The following GPN3 variants were observed in gnomAD, a reference collection of about 807,000 sequenced individuals.
The protein encoded by GPN3 is GPN-loop GTPase 3.
Under a neutral mutation model 38.7 loss-of-function variants are expected in GPN3, and 31 were observed. The observed-to-expected ratio is 0.80, with a 90% CI of 0.60 to 1.08. GPN3 has a LOEUF of 1.08. Ranked by LOEUF, GPN3 falls within the 50% of genes least tolerant of loss-of-function variation. The pLI, the probability that GPN3 is intolerant of heterozygous loss-of-function variation, is 0.00. For missense variants in GPN3, 301 were observed against 354.4 expected (o/e 0.85, Z 1.21); for synonymous variants, 116 against 120.2 (o/e 0.96, Z 0.23).
chr12:110,468,487 CA>C, upstream of GPN3: 1 of 1,537,196 alleles, frequency 6.5e-7, no homozygotes, highest in Non-Finnish European at 8.7e-7. Flanking sequence ...TAATAACGGA[CA>C]ACAGATAAAG....
Position 110,457,640 on chromosome 12 carries a change from T to C in GPN3, c.326-6A>G, listed in dbSNP as rs747185271. The C allele has an allele frequency of 1.3e-6, 2 of 1,576,052 alleles. No homozygotes were observed. The highest frequency in any genetic ancestry group is 2.0e-5 in the Admixed American group (1 of 50,566). On this transcript the variant is annotated splice_polypyrimidine_tract_variant and splice_region_variant and intron_variant, in intron 3 of 7. Coordinates refer to ENST00000228827, the MANE Select transcript of GPN3 (RefSeq NM_016301.4). ...AGTGTACAACTCAATCTGACCTACATGAAGAGTATTGCAAGAATTTTAGAA... is the reference window on the plus strand; with the variant it reads ...AGTGTACAACTCAATCTGACCTACACGAAGAGTATTGCAAGAATTTTAGAA...
At chr12:110,454,826 C>CTTT (rs796526202) in intron 6 of GPN3, among the ~76,000 whole-genome samples, 2 of 144,124 alleles carry the variant, frequency 1.4e-5, no homozygotes, top group African/African-American at 2.5e-5. Flanking sequence ...CCATGCCTGG[C>CTTT]TTTTTTTTTT....
At chr12:110,456,329 C>CAAAA (rs59734369) in intron 4 of GPN3, among the ~76,000 whole-genome samples, 32 of 66,876 alleles carry the variant, frequency 4.8e-4, no homozygotes, top group Admixed American at 5.3e-4. Flanking sequence ...AACTTGGTCT[C>CAAAA]AAAAAAAAAA....
intron 4 of GPN3, 152 bp downstream of exon 4, chr12:110,457,358 C>T: frequency 2.2e-6 from 1 of 460,424 alleles, no homozygotes; most frequent in African/African-American, 2.1e-5. Flanking sequence ...GAGGCTGAGG[C>T]ACAAGAATCA....
At chr12:110,454,022 C>A (rs973182936) in intron 6 of GPN3, 151 bp from the exon 7 acceptor site, 1 of 603,250 alleles carries the variant, frequency 1.7e-6, no homozygotes, top group Non-Finnish European at 2.9e-6. Context: ...TAGCTAGACA[C>A]AGAGAGTAAA....
At chr12:110,461,400 T>TTA in intron 2 of GPN3, 1 of 543,234 alleles carries the variant, frequency 1.8e-6, no homozygotes, top group Non-Finnish European at 3.2e-6. Flanking sequence ...GTTATAAAAT[T>TTA]GAAAAAAAAA....
In GPN3 at chr12:110,459,550, T is replaced by A. The variant is rs1041144017; in HGVS notation, c.325+145A>T. ...CCACTGCGCCCGGCCTCAACAGATATACTTAGTAAGTGACAGCCATTGAAT... is the reference window on the plus strand; with the variant it reads ...CCACTGCGCCCGGCCTCAACAGATAAACTTAGTAAGTGACAGCCATTGAAT... On this transcript the variant is annotated intron_variant, in intron 3 of 7. Coordinates refer to ENST00000228827, the MANE Select transcript of GPN3 (RefSeq NM_016301.4). 2.4e-5 allele frequency: 16 copies of A among 673,324 alleles called. No homozygotes were observed. In the Middle Eastern group the frequency reaches 1.2e-3, roughly 51 times the overall value. 41.7% of individuals were successfully genotyped at this position (673,324 alleles called of 1,614,324 possible).
chr12:110,452,671 C>G lies in GPN3; in HGVS notation c.*363G>C, dbSNP rs576291405. ...ATATATCCTTGCAGCTTTTTCCCTTCGGACATACATATTTTGTTACAGTAA... is the reference window on the plus strand; with the variant it reads ...ATATATCCTTGCAGCTTTTTCCCTTGGGACATACATATTTTGTTACAGTAA... On this transcript the variant is annotated 3_prime_UTR_variant, in exon 8 of 8. Transcript: ENST00000228827. 1.9e-5 allele frequency: 4 copies of G among 214,240 alleles called. No homozygotes were observed. Among genetic ancestry groups the G allele is most frequent in the African/African-American group, 7.1e-5 (3 of 42,162 alleles). 13.3% of individuals were successfully genotyped at this position (214,240 alleles called of 1,614,324 possible).
Position 110,455,626 on chromosome 12 carries a change from C to T in GPN3, c.623G>A (p.Ser208Asn). 1 of 1,458,226 alleles carries T rather than the reference C, an allele frequency of 6.9e-7. No homozygotes were observed. Among genetic ancestry groups the T allele is most frequent in the Non-Finnish European group, 9.6e-7 (1 of 1,040,716 alleles). The allele number at this position is 1,458,226 out of a possible 1,614,324, so 90.3% of individuals were successfully genotyped here. The part of the protein sequence containing the change: ...LLEDSTSDLR[S>N]KKFKKLTKAI... ...TTTAGTCAGTTTCTTGAATTTTTTG[C>T]TTCTTAAGTCACTTGTAGAATCTTC... Residue 208 changes from serine to asparagine, a missense_variant, in exon 6 of 8, where the codon AGC becomes AAC. By Grantham distance (46) the Ser-to-Asn change is conservative. Coordinates refer to ENST00000228827, the MANE Select transcript of GPN3 (RefSeq NM_016301.4).
chr12:110,462,699 T>C (rs2135525060), intron 2 of GPN3, among the ~76,000 whole-genome samples: 1 of 152,128 alleles, frequency 6.6e-6, no homozygotes, highest in South Asian at 2.1e-4. Context: ...GCGATTCCCC[T>C]GTCTCAGCCT....
chr12:110,455,982 C>A (rs1457883929), intron 4 of GPN3, 52 bp from the exon 5 acceptor site: 1 of 933,216 alleles, frequency 1.1e-6, no homozygotes, highest in South Asian at 1.3e-5. Context: ...CCAACAGTTA[C>A]CTGGTCTGCA....
rs770482879 is a variant in GPN3, at chr12:110,455,641, G to C, written c.608C>G (p.Thr203Arg). The change falls in exon 6 of 8, where the codon ACA becomes AGA. Residue 203 changes from threonine to arginine, a missense_variant. Coordinates refer to ENST00000228827, the MANE Select transcript of GPN3 (RefSeq NM_016301.4). ...PDMYSLLEDS[T>R]SDLRSKKFKK... ...GAATTTTTTGCTTCTTAAGTCACTT[G>C]TAGAATCTTCTAATAAAGAATACAT... 10 of 1,414,296 alleles carry C rather than the reference G, an allele frequency of 7.1e-6. No homozygotes were observed. In the South Asian group the frequency reaches 1.2e-4, roughly 16 times the overall value. 87.6% of individuals were successfully genotyped at this position (1,414,296 alleles called of 1,614,324 possible). A position where few individuals can be genotyped will look rare whatever the true frequency, so the allele number is the denominator to read the frequency against.
chr12:110,455,616 G>T lies in GPN3; in HGVS notation c.633C>A (p.Phe211Leu). 6.8e-7 allele frequency: 1 copy of T among 1,470,114 alleles called. No individual in the cohort carries two copies. The highest frequency in any genetic ancestry group is 9.5e-7 in the Non-Finnish European group (1 of 1,051,746). 91.1% of individuals were successfully genotyped at this position (1,470,114 alleles called of 1,614,324 possible). Residue 211 changes from phenylalanine to leucine, a missense_variant, in exon 6 of 8, where the codon TTC becomes TTA. Physicochemically the swap from Phe to Leu is conservative, Grantham distance 22. Transcript: ENST00000228827. ...CACATATAGCTTTAGTCAGTTTCTT[G>T]AATTTTTTGCTTCTTAAGTCACTTG... ...DSTSDLRSKK[F>L]KKLTKAICGL...
rs764483937 is a variant in GPN3 at position 110,455,873 on chromosome 12, C to T, written c.508G>A (p.Val170Ile). The T allele has an allele frequency of 3.1e-6, 5 of 1,611,870 alleles. No homozygotes were observed. In the South Asian group the frequency reaches 3.3e-5, roughly 11 times the overall value. ...SAMISLEIPQ[V>I]NIMTKMDLLS... ...AGATCCATTTTTGTCATGATGTTGA[C>T]TTGCGGAATTTCTAGAGAGATCATG... The change falls in exon 5 of 8, where the codon GTC (valine) becomes ATC (isoleucine). Residue 170 changes from valine to isoleucine, a missense_variant. By Grantham distance (29) the Val-to-Ile change is conservative. Transcript: ENST00000228827.
chr12:110,455,794 AT>A lies in GPN3; in HGVS notation c.566+20del, dbSNP rs760039764. 4.8e-6 allele frequency: 6 copies of A among 1,240,382 alleles called. No homozygotes were observed. The highest frequency in any genetic ancestry group is 2.9e-5 in the African/African-American group (2 of 67,992). 76.8% of individuals were successfully genotyped at this position (1,240,382 alleles called of 1,614,324 possible). On this transcript the variant is annotated intron_variant, in intron 5 of 7. Transcript: ENST00000228827. ...TCTCTGCAACTGAGATCTGATAATA[AT>A]GGAAGAACAGTGAACTCACTTCTCA...
upstream of GPN3, chr12:110,468,665 T>C (rs2062656268): frequency 2.0e-6 from 3 of 1,536,456 alleles, no homozygotes; most frequent in South Asian, 3.6e-5. Context: ...ACGCACTGCT[T>C]CCACAGAGAG....
chr12:110,468,430 T>C (rs1242189858), upstream of GPN3: 1 of 1,534,764 alleles, frequency 6.5e-7, no homozygotes, highest in Non-Finnish European at 8.7e-7. Flanking sequence ...CAAAAGTAGT[T>C]GATGGAAATC....
chr12:110,456,132 C>T (rs1008150031), intron 4 of GPN3, among the ~76,000 whole-genome samples: 5 of 152,084 alleles, frequency 3.3e-5, no homozygotes, highest in Non-Finnish European at 7.4e-5. Context: ...GAGTTCAAGA[C>T]CAGCCTGGCC....
intron 6 of GPN3, among the ~76,000 whole-genome samples, chr12:110,454,388 CTTTT>C (rs762868668): frequency 7.4e-6 from 1 of 134,986 alleles, no homozygotes; most frequent in African/African-American, 2.7e-5. Context: ...CTTTTTTTTT[CTTTT>C]TTTTTTTTTT....
Sources: allele counts gnomAD v4.1 joint callset (sites outside exome capture counted in the v4.1 genomes callset), GRCh38; gene constraint gnomAD v4.1.1; transcripts MANE v1.5; gene names NCBI Gene and HGNC (gene_info 2026-07-23, HGNC 2026-07-21).